The following ABCB9 variants were observed in gnomAD, a reference collection of about 807,000 sequenced individuals.
ABCB9 encodes the protein ABC-type oligopeptide transporter ABCB9.
In ABCB9, 36 loss-of-function variants were observed where a neutral mutation model predicts 62.0. That is an observed-to-expected ratio of 0.58 (90% CI 0.45 to 0.77). The LOEUF (loss-of-function observed/expected upper bound fraction) is 0.77, where lower values mean the gene tolerates loss of function less well. Ranked by LOEUF, ABCB9 falls within the 30% of genes least tolerant of loss-of-function variation. The pLI is 0.00. For missense variants in ABCB9, 943 were observed against 1,054.7 expected, an observed-to-expected ratio of 0.89 and a Z score of 1.47; for synonymous variants, 435 against 461.4, an observed-to-expected ratio of 0.94 and a Z score of 0.73.
chr12:122,921,130 G>C (rs1332555011), intron 11 of ABCB9: 1 of 1,422,844 alleles, frequency 7.0e-7, no homozygotes, highest in African/African-American at 1.4e-5. Context: ...ATTTAAAATG[G>C]TTGGCTGGGC....
chr12:122,972,426 CAG>C (rs2037287316), intron 1 of ABCB9, among the ~76,000 whole-genome samples: 1 of 152,138 alleles, frequency 6.6e-6, no homozygotes, highest in Non-Finnish European at 1.5e-5. Flanking sequence ...AGAAAAATAA[CAG>C]GGGCGCTTCT....
At chr12:122,946,747 G>T (rs1449315950) in intron 5 of ABCB9, among the ~76,000 whole-genome samples, 3 of 152,250 alleles carry the variant, frequency 2.0e-5, no homozygotes, top group Admixed American at 2.0e-4. Flanking sequence ...CAGGGGCCAT[G>T]GGTTGTGAAA....
chr12:122,967,274 T>A (rs1399299001), upstream of ABCB9, among the ~76,000 whole-genome samples: 1 of 152,018 alleles, frequency 6.6e-6, no homozygotes, highest in African/African-American at 2.4e-5. Flanking sequence ...TAAATAAAAT[T>A]GTGTAAGTGA....
chr12:122,949,925 G>A lies in ABCB9; in HGVS notation c.717-7C>T, dbSNP rs753661593. The A allele has an allele frequency of 6.2e-7, 1 of 1,614,052 alleles. No individual in the cohort carries two copies. Among genetic ancestry groups the A allele is most frequent in the Non-Finnish European group, 8.5e-7 (1 of 1,179,924 alleles). On this transcript the variant is annotated splice_polypyrimidine_tract_variant and splice_region_variant and intron_variant, in intron 3 of 11. Transcript: ENST00000280560. Reference sequence around the variant, plus strand: ...AATACCTGCGGCAAATGAGCTAATTGCAGATAAGAGATATTATAGCACGAT... The same window carrying A: ...AATACCTGCGGCAAATGAGCTAATTACAGATAAGAGATATTATAGCACGAT...
chr12:122,940,343 C>A lies in ABCB9; in HGVS notation c.1570-59G>T, dbSNP rs1275190092. ...TCGGCTCAGGTCCCAGGACTGGATG[C>A]CCTGACCTTGGACACAGGTGGGTGC... On this transcript the variant is annotated intron_variant, in intron 8 of 11. Coordinates refer to ENST00000280560, the MANE Select transcript of ABCB9 (RefSeq NM_019625.4). This position sits in a 1 kb window ranked among gnomAD's most constrained non-coding sequence, Gnocchi z 4.8. 1.3e-6 allele frequency: 2 copies of A among 1,507,752 alleles called. No homozygotes were observed. The highest frequency in any genetic ancestry group is 1.4e-5 in the African/African-American group (1 of 71,786). 93.4% of individuals were successfully genotyped at this position (1,507,752 alleles called of 1,614,324 possible). A position where few individuals can be genotyped will look rare whatever the true frequency, so the allele number is the denominator to read the frequency against.
At chr12:122,927,500 C>T (rs1359208549), downstream of ABCB9, among the ~76,000 whole-genome samples, 4 of 152,178 alleles carry the variant, frequency 2.6e-5, no homozygotes, top group Admixed American at 1.3e-4. Flanking sequence ...CTCCTATGTA[C>T]CTCCTAAAAA....
upstream of ABCB9, among the ~76,000 whole-genome samples, chr12:122,970,240 C>T (rs1247860660): frequency 2.6e-5 from 4 of 151,292 alleles, no homozygotes; most frequent in South Asian, 2.1e-4. Flanking sequence ...CCACCATGCC[C>T]GGCTAATTTA....
Position 122,942,407 on chromosome 12 carries a change from G to A in ABCB9, c.1381-1412C>T, listed in dbSNP as rs140194429. On this transcript the variant is annotated intron_variant, in intron 7 of 11. Coordinates refer to ENST00000280560, the MANE Select transcript of ABCB9 (RefSeq NM_019625.4). ...GTTCGAGATCAGCCTGGCCAACATGGTGCAACCCCATTTCTACTGAAAATA... is the reference window on the plus strand; with the variant it reads ...GTTCGAGATCAGCCTGGCCAACATGATGCAACCCCATTTCTACTGAAAATA... Among the ~76,000 whole-genome samples, 15 of 151,680 alleles carry A rather than the reference G, an allele frequency of 9.9e-5. No homozygotes were observed. In the East Asian group the frequency reaches 2.7e-3, roughly 28 times the overall value.
In ABCB9 at chr12:122,959,707, G is replaced by A. The variant is rs1475946181; in HGVS notation, c.529C>T (p.Leu177=). ...EQASGATLQK[L]LSYTKPDVAF... ...ACGTCGGGCTTGGTGTAGGAGAGCAGCTTCTGCAGCGTGGCCCCAGACGCC... is the reference window on the plus strand; with the variant it reads ...ACGTCGGGCTTGGTGTAGGAGAGCAACTTCTGCAGCGTGGCCCCAGACGCC... The change falls in exon 2 of 12, where the codon CTG becomes TTG. Residue 177 remains leucine (L), a synonymous_variant. Coordinates refer to ENST00000280560, the MANE Select transcript of ABCB9 (RefSeq NM_019625.4). This position sits in a 1 kb window ranked among gnomAD's most constrained non-coding sequence, Gnocchi z 5.4. 19 of 1,609,688 alleles carry A rather than the reference G, an allele frequency of 1.2e-5. No individual in the cohort carries two copies. The highest frequency in any genetic ancestry group is 3.3e-4 in the Middle Eastern group (2 of 6,048).
At position 122,960,312 on chromosome 12, in the gene ABCB9, C is replaced by T. The variant is rs577034289; in HGVS notation, c.-77G>A. ...GGCAAGGCCATCATCATCCACAGGGCGAGGCCAGGCCTGTAGGGACAACAG... is the reference window on the plus strand; with the variant it reads ...GGCAAGGCCATCATCATCCACAGGGTGAGGCCAGGCCTGTAGGGACAACAG... On this transcript the variant is annotated 5_prime_UTR_variant, in exon 2 of 12. Transcript: ENST00000280560. The T allele has an allele frequency of 5.2e-6, 8 of 1,534,126 alleles. No homozygotes were observed. The highest frequency in any genetic ancestry group is 2.1e-4 in the Middle Eastern group (1 of 4,684).
chr12:122,950,853 CTT>C lies in ABCB9; in HGVS notation c.602-290_602-289del, dbSNP rs2036328860. Reference sequence around the variant, plus strand: ...GGGCTCCTGCAGGATGCTTCATTCTCTTGTTTTTTGAGACAGGGTCTCGCTGT... The same window carrying C: ...GGGCTCCTGCAGGATGCTTCATTCTCGTTTTTTGAGACAGGGTCTCGCTGT... On this transcript the variant is annotated intron_variant, in intron 2 of 11. Coordinates refer to ENST00000280560, the MANE Select transcript of ABCB9 (RefSeq NM_019625.4). The C allele has an allele frequency of 1.4e-5, 5 of 350,424 alleles. 1 individual carries two copies. In the South Asian group the frequency reaches 2.2e-4, roughly 16 times the overall value. 21.7% of individuals were successfully genotyped at this position (350,424 alleles called of 1,614,324 possible).
intron 9 of ABCB9, among the ~76,000 whole-genome samples, chr12:122,936,248 A>G (rs2035454682): frequency 6.6e-6 from 1 of 152,196 alleles, no homozygotes; most frequent in South Asian, 2.1e-4. Context: ...AAAAAATTAT[A>G]AACGTGTACC....
chr12:122,938,285 G>C (rs2035561868), intron 9 of ABCB9, among the ~76,000 whole-genome samples: 1 of 152,248 alleles, frequency 6.6e-6, no homozygotes, highest in African/African-American at 2.4e-5. Context: ...TGTCATCCCA[G>C]CACTTTGGGA....
Position 122,940,094 on chromosome 12 carries a change from C to G in ABCB9, c.1743+17G>C. On this transcript the variant is annotated intron_variant, in intron 9 of 11. Coordinates refer to ENST00000280560, the MANE Select transcript of ABCB9 (RefSeq NM_019625.4). This position sits in a 1 kb window ranked among gnomAD's most constrained non-coding sequence, Gnocchi z 4.8. ...GCAGAAAGGGCGGAGAAGTGTGGCC[C>G]AGGCCCGTGCACATACCACACGGTG... 1 of 1,603,106 alleles carries G rather than the reference C, an allele frequency of 6.2e-7. No individual in the cohort carries two copies. The highest frequency in any genetic ancestry group is 1.7e-4 in the Middle Eastern group (1 of 6,042).
chr12:122,962,428 C>G (rs900649585), intron 1 of ABCB9, among the ~76,000 whole-genome samples: 2 of 152,180 alleles, frequency 1.3e-5, no homozygotes, highest in Admixed American at 6.5e-5. Flanking sequence ...TGGGAAGGGG[C>G]CATCCTGAGA....
intron 11 of ABCB9, among the ~76,000 whole-genome samples, chr12:122,922,527 G>C (rs2034774147): frequency 1.3e-5 from 2 of 151,950 alleles, no homozygotes; most frequent in African/African-American, 4.8e-5. Context: ...CTACAGGCAT[G>C]TGCCACCACG....
rs2036120324 is a variant in ABCB9 at position 122,947,713 on chromosome 12, G to A, written c.1053+911C>T. 3.8e-6 allele frequency: 1 copy of A among 262,776 alleles called. No individual in the cohort carries two copies. Among genetic ancestry groups the A allele is most frequent in the Non-Finnish European group, 8.0e-6 (1 of 124,328 alleles). The allele number at this position is 262,776 out of a possible 1,614,324, so 16.3% of individuals were successfully genotyped here. On this transcript the variant is annotated intron_variant, in intron 5 of 11. Coordinates refer to ENST00000280560, the MANE Select transcript of ABCB9 (RefSeq NM_019625.4). This position sits in a 1 kb window ranked among gnomAD's most constrained non-coding sequence, Gnocchi z 6.0. Reference sequence around the variant, plus strand: ...CTCGGAAGCAGAAGCAGTGCCGTGGGGTGGCCAGAGGGGACAGCAGCCTGC... The same window carrying A: ...CTCGGAAGCAGAAGCAGTGCCGTGGAGTGGCCAGAGGGGACAGCAGCCTGC...
In ABCB9 at chr12:122,944,290, A is replaced by ACATTGT; in HGVS notation, c.1380+95_1380+100dup. 6.7e-7 allele frequency: 1 copy of ACATTGT among 1,486,204 alleles called. No homozygotes were observed. The highest frequency in any genetic ancestry group is 9.1e-7 in the Non-Finnish European group (1 of 1,103,948). 92.1% of individuals were successfully genotyped at this position (1,486,204 alleles called of 1,614,324 possible). ...CCTACTTACCTTAGAGAGAAATACC[A>ACATTGT]CATTGTCAGAGTCCCTGGAGCCCCG... On this transcript the variant is annotated intron_variant, in intron 7 of 11. Coordinates refer to ENST00000280560, the MANE Select transcript of ABCB9 (RefSeq NM_019625.4). This position sits in a 1 kb window ranked among gnomAD's most constrained non-coding sequence, Gnocchi z 4.9.
chr12:122,960,455 C>T (rs768008043), intron 1 of ABCB9, 133 bp from the exon 2 acceptor site: 27 of 630,316 alleles, frequency 4.3e-5, no homozygotes, highest in Non-Finnish European at 6.7e-5. Flanking sequence ...ATCAACTTCC[C>T]GGGTACTAAG....
Sources: allele counts gnomAD v4.1 joint callset (sites outside exome capture counted in the v4.1 genomes callset), GRCh38; gene constraint gnomAD v4.1.1; non-coding constraint Gnocchi (gnomAD v3.1); transcripts MANE v1.5; gene names NCBI Gene and HGNC (gene_info 2026-07-23, HGNC 2026-07-21).